Variants in EEFSEC observed in about 807,000 individuals in gnomAD.
EEFSEC encodes eukaryotic elongation factor, selenocysteine-tRNA specific.
A neutral mutation model predicts 42.1 loss-of-function variants in EEFSEC; 43 were observed. The observed-to-expected ratio is 1.02, with a 90% CI of 0.80 to 1.32. EEFSEC has a LOEUF of 1.32. EEFSEC is among the 40% of genes most tolerant of loss of function. The pLI, the probability that EEFSEC is intolerant of heterozygous loss-of-function variation, is 0.00. For missense variants in EEFSEC, 745 were observed against 803.6 expected (o/e 0.93, Z 0.88); for synonymous variants, 354 against 339.1 (o/e 1.04, Z -0.48).
chr3:128,308,820 G>A (rs866106390), intron 4 of EEFSEC, among the ~76,000 whole-genome samples: 1 of 152,142 alleles, frequency 6.6e-6, no homozygotes, highest in South Asian at 2.1e-4. Context: ...ACCATGGATG[G>A]GAGAGCTCAA....
intron 1 of EEFSEC, among the ~76,000 whole-genome samples, chr3:128,241,542 A>G (rs1013793313): frequency 9.9e-5 from 15 of 151,932 alleles, no homozygotes; most frequent in African/African-American, 3.6e-4. Context: ...ACGGGGTTTC[A>G]CTATGTTGCC....
intron 6 of EEFSEC, among the ~76,000 whole-genome samples, chr3:128,407,766 C>T (rs2068135943): frequency 6.6e-6 from 1 of 152,192 alleles, no homozygotes; most frequent in South Asian, 2.1e-4. Flanking sequence ...GCCGAGTTTC[C>T]AGACGTGGAC....
Position 128,341,866 on chromosome 3 carries a change from C to G in EEFSEC, c.1420C>G (p.His474Asp), listed in dbSNP as rs1286277072. The G allele has an allele frequency of 5.0e-6, 8 of 1,613,592 alleles. No homozygotes were observed. Among genetic ancestry groups the G allele is most frequent in the Non-Finnish European group, 5.9e-6 (7 of 1,179,970 alleles). The change falls in exon 5 of 7, where the codon CAC (histidine) becomes GAC (aspartate). Residue 474 changes from histidine (H) to aspartate (D), a missense_variant. Physicochemically the swap from His to Asp is moderately conservative, Grantham distance 81. Transcript: ENST00000254730. The stretch of plus-strand genomic sequence containing the variant: ...CAGGCTGAAGGTGTACAAGCTGAAG[C>G]ACAAGCATGGCCTTGTGGAGCGGGT... ...LPRLKVYKLK[H>D]KHGLVERAMD...
intron 1 of EEFSEC, among the ~76,000 whole-genome samples, chr3:128,161,821 G>T (rs2107761876): frequency 6.6e-6 from 1 of 152,302 alleles, no homozygotes; most frequent in Non-Finnish European, 1.5e-5. Flanking sequence ...GGGTTCTTGT[G>T]TGTGAATGAA....
At chr3:128,226,642 C>A (rs567862958) in intron 1 of EEFSEC, among the ~76,000 whole-genome samples, 154 of 152,284 alleles carry the variant, frequency 1.0e-3, no homozygotes, top group African/African-American at 3.5e-3. Context: ...TTAGCAGAAA[C>A]TTCTCATTTA....
intron 1 of EEFSEC, among the ~76,000 whole-genome samples, chr3:128,238,577 G>A (rs542149556): frequency 1.2e-4 from 19 of 152,230 alleles, no homozygotes; most frequent in Non-Finnish European, 1.9e-4. Flanking sequence ...GCATAGTCTC[G>A]GCTCACTGCA....
chr3:128,424,511 A>T, the EEFSEC span, among the ~76,000 whole-genome samples: 1 of 152,068 alleles, frequency 6.6e-6, no homozygotes, highest in South Asian at 2.1e-4. Flanking sequence ...CCTCCTGAGT[A>T]GCTAAGACTA....
At chr3:128,296,613 C>T (rs1331901734) in intron 4 of EEFSEC, among the ~76,000 whole-genome samples, 1 of 151,666 alleles carries the variant, frequency 6.6e-6, no homozygotes, top group Non-Finnish European at 1.5e-5. Context: ...TCCATGTGGG[C>T]ACCTCAGGAG....
chr3:128,295,792 C>T (rs1377664549), intron 4 of EEFSEC, among the ~76,000 whole-genome samples: 1 of 152,024 alleles, frequency 6.6e-6, no homozygotes, highest in Non-Finnish European at 1.5e-5. Context: ...ATGTGAGGGT[C>T]TCAGTGGGGT....
chr3:128,283,858 T>TA (rs2066555366), intron 4 of EEFSEC, among the ~76,000 whole-genome samples: 1 of 152,230 alleles, frequency 6.6e-6, no homozygotes, highest in Admixed American at 6.5e-5. Flanking sequence ...TGGGGGAAGC[T>TA]AAATCAGCAC....
chr3:128,357,551 G>C (rs2067469794), intron 5 of EEFSEC, among the ~76,000 whole-genome samples: 1 of 152,228 alleles, frequency 6.6e-6, no homozygotes, highest in South Asian at 2.1e-4. Flanking sequence ...GCCAGGCCAA[G>C]ACAGGCTTCC....
intron 4 of EEFSEC, among the ~76,000 whole-genome samples, chr3:128,273,622 G>T (rs2066437319): frequency 6.6e-6 from 1 of 152,260 alleles, no homozygotes; most frequent in South Asian, 2.1e-4. Context: ...CTGACCTGCA[G>T]TCAGCTGTCC....
intron 1 of EEFSEC, among the ~76,000 whole-genome samples, chr3:128,185,241 A>G (rs1043787932): frequency 2.0e-5 from 3 of 152,158 alleles, no homozygotes; most frequent in South Asian, 2.1e-4. Context: ...TATATAATGT[A>G]TGATATATTT....
intron 5 of EEFSEC, 85 bp from the exon 6 acceptor site, chr3:128,358,132 G>C: frequency 6.5e-7 from 1 of 1,538,342 alleles, no homozygotes; most frequent in South Asian, 1.3e-5. Context: ...TAGGGCCCGG[G>C]AGAGCTGGGG....
downstream of EEFSEC, chr3:128,408,666 G>C (rs1248457155): frequency 1.2e-5 from 2 of 166,722 alleles, no homozygotes; most frequent in Non-Finnish European, 2.6e-5. Context: ...CTCTCTCTGT[G>C]ACTTCACTAG....
chr3:128,278,129 A>G (rs1412317383), intron 4 of EEFSEC, among the ~76,000 whole-genome samples: 1 of 152,100 alleles, frequency 6.6e-6, no homozygotes, highest in Non-Finnish European at 1.5e-5. Flanking sequence ...TGTGTGTGCA[A>G]TTTATTTGTG....
intron 6 of EEFSEC, among the ~76,000 whole-genome samples, chr3:128,374,208 T>G (rs1015459386): frequency 2.6e-5 from 4 of 152,344 alleles, no homozygotes; most frequent in Non-Finnish European, 4.4e-5. Context: ...TGTGTGGCTC[T>G]TTTGGACGTG....
At chr3:128,304,702 A>ATT (rs1376181643) in intron 4 of EEFSEC, among the ~76,000 whole-genome samples, 2 of 142,992 alleles carry the variant, frequency 1.4e-5, no homozygotes, top group African/African-American at 2.6e-5. Flanking sequence ...GTTGTTTGTA[A>ATT]TTTTTTTTTT....
At chr3:128,241,201 CT>C (rs373420882) in intron 1 of EEFSEC, among the ~76,000 whole-genome samples, 43 of 80,666 alleles carry the variant, frequency 5.3e-4, no homozygotes, top group African/African-American at 1.5e-3. Flanking sequence ...CTCTCTCTCT[CT>C]TTTTTTTTTT....
Sources: allele counts gnomAD v4.1 joint callset (sites outside exome capture counted in the v4.1 genomes callset), GRCh38; gene constraint gnomAD v4.1.1; transcripts MANE v1.5; gene names NCBI Gene and HGNC (gene_info 2026-07-23, HGNC 2026-07-21).